Variants in SEMA3C observed in about 807,000 individuals in gnomAD.
SEMA3C encodes semaphorin 3C, also known as semaphorin-3C.
SEMA3C carries 47 observed loss-of-function variants against 89.4 expected under a neutral mutation model. That is an observed-to-expected ratio of 0.53 (90% CI 0.42 to 0.67). The LOEUF is 0.67. Among genes scored for constraint, SEMA3C ranks in the 30% least tolerant of loss-of-function variants. The probability of loss-of-function intolerance (pLI) is 0.00; values close to 1 mark genes in which losing one functional copy is unlikely to be tolerated. For missense variants in SEMA3C, 839 were observed against 929.1 expected (o/e 0.90, Z 1.26); for synonymous variants, 310 against 320.2 (o/e 0.97, Z 0.34).
Position 80,789,460 on chromosome 7 carries a change from A to C in SEMA3C, c.1200T>G (p.Phe400Leu), listed in dbSNP as rs1448896761. Residue 400 changes from phenylalanine to leucine, a missense_variant, in exon 12 of 18, where the codon TTT (phenylalanine) becomes TTG (leucine). Physicochemically the swap from Phe to Leu is conservative, Grantham distance 22 (BLOSUM62 0). Coordinates refer to ENST00000265361, the MANE Select transcript of SEMA3C (RefSeq NM_006379.5). ...TGTACATGAGAGGATGGTTCCGAAT[A>C]AAAGTGACAACATCATCTGGGAACT... is the stretch of plus-strand genomic sequence containing the variant. Reference protein sequence around the residue: ...TKEFPDDVVTFIRNHPLMYNS... With the variant: ...TKEFPDDVVTLIRNHPLMYNS... 1.9e-6 allele frequency: 3 copies of C among 1,613,940 alleles called. No individual in the cohort carries two copies. The highest frequency in any genetic ancestry group is 2.5e-6 in the Non-Finnish European group (3 of 1,179,982).
In SEMA3C at chr7:80,805,979, A is replaced by G. The variant is rs1451597935; in HGVS notation, c.539-221T>C. Among the ~76,000 whole-genome samples the G allele has an allele frequency of 2.0e-5, 3 of 152,032 alleles. No individual in the cohort carries two copies. In the South Asian group the frequency reaches 6.2e-4, roughly 31 times the overall value. On this transcript the variant is annotated intron_variant, in intron 6 of 17. Coordinates refer to ENST00000265361, the MANE Select transcript of SEMA3C (RefSeq NM_006379.5). ...TGATAATTACTATGTTTTTTAAAAA[A>G]TCAAACCTCAAAACAACTTTATTCT...
intron 13 of SEMA3C, among the ~76,000 whole-genome samples, chr7:80,764,660 C>G (rs572402217): frequency 1.4e-4 from 22 of 151,862 alleles, no homozygotes; most frequent in Non-Finnish European, 2.5e-4. Flanking sequence ...AAAGAGACAA[C>G]ATTTGTTTTA....
intron 4 of SEMA3C, among the ~76,000 whole-genome samples, chr7:80,825,461 G>A (rs1490167821): frequency 2.0e-5 from 3 of 152,118 alleles, no homozygotes; most frequent in South Asian, 2.1e-4. Flanking sequence ...ACAAAACTAT[G>A]GGAAAATGTC....
chr7:80,782,866 C>T (rs951276701), intron 12 of SEMA3C, among the ~76,000 whole-genome samples: 1 of 152,040 alleles, frequency 6.6e-6, no homozygotes, highest in Non-Finnish European at 1.5e-5. Flanking sequence ...TTTAGCATTA[C>T]TGGAAAAAGA....
intron 2 of SEMA3C, among the ~76,000 whole-genome samples, chr7:80,847,912 G>C (rs1358976059): frequency 6.6e-6 from 1 of 152,168 alleles, no homozygotes; most frequent in East Asian, 1.9e-4. Flanking sequence ...TAAATAATCA[G>C]TAAGATCGTT....
At chr7:80,803,584 A>G (rs997477197) in intron 8 of SEMA3C, among the ~76,000 whole-genome samples, 9 of 152,302 alleles carry the variant, frequency 5.9e-5, no homozygotes, top group African/African-American at 2.2e-4. Context: ...TGCTATGTAT[A>G]CTTATTGTTT....
chr7:80,913,175 C>T (rs563189276), intron 2 of SEMA3C, among the ~76,000 whole-genome samples: 3 of 152,182 alleles, frequency 2.0e-5, no homozygotes, highest in East Asian at 3.9e-4. Flanking sequence ...CTGAGACAGG[C>T]GGATCACCTG....
chr7:80,922,141 T>G, upstream of SEMA3C: 16 of 621,538 alleles, frequency 2.6e-5, no homozygotes, highest in Non-Finnish European at 3.8e-5. Flanking sequence ...CAATTTTCAA[T>G]GAGAGAACGT....
At chr7:80,764,937 A>G (rs1176381741) in intron 13 of SEMA3C, among the ~76,000 whole-genome samples, 1 of 152,194 alleles carries the variant, frequency 6.6e-6, no homozygotes, top group Non-Finnish European at 1.5e-5. Flanking sequence ...AACAGAAAGA[A>G]TCCTTTTATC....
intron 2 of SEMA3C, among the ~76,000 whole-genome samples, chr7:80,841,755 A>G (rs1283630378): frequency 5.3e-5 from 8 of 152,174 alleles, no homozygotes; most frequent in Admixed American, 5.2e-4. Flanking sequence ...TGAACACAGG[A>G]AAAATATTAT....
intron 5 of SEMA3C, chr7:80,815,959 T>C (rs1789597331): frequency 6.6e-6 from 1 of 152,186 alleles, no homozygotes; most frequent in Non-Finnish European, 1.5e-5. Flanking sequence ...TTTTTGTTGA[T>C]GTTTTATTCA....
rs567681382 is a variant in SEMA3C, at chr7:80,790,337, A to G, written c.1132-809T>C. 5.3e-4 allele frequency among the ~76,000 whole-genome samples: 81 copies of G among 152,106 alleles called. 1 individual carries two copies. The highest frequency in any genetic ancestry group is 1.9e-3 in the African/African-American group (78 of 41,494). On this transcript the variant is annotated intron_variant, in intron 11 of 17. Transcript: ENST00000265361. ...AGGAGGAGGAGGAGGAGAAAGGAGG[A>G]GGAGGAAGGAGAAGGGGAGGAGAGA...
intron 12 of SEMA3C, among the ~76,000 whole-genome samples, chr7:80,778,845 C>T (rs1788626415): frequency 2.0e-5 from 3 of 152,186 alleles, no homozygotes; most frequent in Admixed American, 2.0e-4. Context: ...GTTCTCAAGG[C>T]CACCACAATA....
intron 2 of SEMA3C, among the ~76,000 whole-genome samples, chr7:80,896,521 T>C (rs1399506734): frequency 6.6e-6 from 1 of 152,212 alleles, no homozygotes; most frequent in Non-Finnish European, 1.5e-5. Flanking sequence ...ATACAATTAT[T>C]TGAGATAATT....
At chr7:80,922,339 CT>C, upstream of SEMA3C, 1 of 1,255,026 alleles carries the variant, frequency 8.0e-7, no homozygotes, top group South Asian at 1.2e-5. Flanking sequence ...ATATGCCATC[CT>C]TTTAAGTTTC....
chr7:80,746,350 GA>G (rs537526802), intron 17 of SEMA3C, among the ~76,000 whole-genome samples: 1 of 152,122 alleles, frequency 6.6e-6, no homozygotes, highest in South Asian at 2.1e-4. Flanking sequence ...CTTGGAGGAA[GA>G]AAACAAAATT....
chr7:80,748,374 A>C (rs1787846820), intron 17 of SEMA3C, among the ~76,000 whole-genome samples: 1 of 152,178 alleles, frequency 6.6e-6, no homozygotes, highest in South Asian at 2.1e-4. Flanking sequence ...AAATACAGAC[A>C]ATGCTCCCAT....
At chr7:80,865,118 G>A (rs1790895454) in intron 2 of SEMA3C, among the ~76,000 whole-genome samples, 1 of 152,132 alleles carries the variant, frequency 6.6e-6, no homozygotes, top group Non-Finnish European at 1.5e-5. Context: ...TCTAAAATGA[G>A]TTTCTTTAAA....
chr7:80,791,319 T>C (rs534989501), intron 11 of SEMA3C, among the ~76,000 whole-genome samples: 90 of 152,310 alleles, frequency 5.9e-4, no homozygotes, highest in African/African-American at 2.1e-3. Flanking sequence ...TTGGGTATAA[T>C]ATTTTAATAC....
Sources: gnomAD v4.1 joint callset for allele counts (sites outside exome capture counted in the v4.1 genomes callset) on GRCh38, gnomAD v4.1.1 for gene constraint, MANE v1.5 for transcripts, NCBI Gene and HGNC (gene_info 2026-07-23, HGNC 2026-07-21) for gene names.